The following UXS1 variants were observed in gnomAD, a reference collection of about 807,000 sequenced individuals.
The protein encoded by UXS1 is UDP-glucuronate decarboxylase 1, also known as UDP-glucuronic acid decarboxylase 1.
In UXS1, 33 loss-of-function variants were observed where a neutral mutation model predicts 62.6. The observed-to-expected ratio is 0.53, with a 90% confidence interval of 0.40 to 0.70. The LOEUF is 0.70. Among genes scored for constraint, UXS1 ranks in the 30% least tolerant of loss-of-function variants. The pLI, the probability that UXS1 is intolerant of heterozygous loss-of-function variation, is 0.00. For synonymous variants in UXS1, 213 were observed against 206.8 expected (o/e 1.03, Z -0.26); for missense variants, 434 against 556.3 (o/e 0.78, Z 2.21).
rs1258707538 is a variant in UXS1, at chr2:106,094,085, G to C, written c.1219C>G (p.Gln407Glu). The C allele has an allele frequency of 6.2e-7, 1 of 1,613,580 alleles. No individual in the cohort carries two copies. Among genetic ancestry groups the C allele is most frequent in the Admixed American group, 1.7e-5 (1 of 59,922 alleles). The change falls in exon 15 of 15, where the codon CAG becomes GAG. Residue 407 changes from glutamine (Q) to glutamate (E), a missense_variant. Transcript: ENST00000283148. ...GCAGGCTTTGGTTTGGGGATGTACT[G>C]ATTATTTGCCTGGTACTCGAGTTCT... ...RKELEYQANN[Q>E]YIPKPKPARI...
chr2:106,110,968 G>A (rs1220850602), intron 10 of UXS1, among the ~76,000 whole-genome samples: 2 of 152,152 alleles, frequency 1.3e-5, no homozygotes, highest in African/African-American at 4.8e-5. Context: ...GACGCTGCTG[G>A]GACAGGCAGG....
rs756295286 is a variant in UXS1 at position 106,164,714 on chromosome 2, C to A, written c.186+22G>T. 3 of 1,525,548 alleles carry A rather than the reference C, an allele frequency of 2.0e-6. No individual in the cohort carries two copies. In the East Asian group the frequency reaches 7.1e-5, roughly 36 times the overall value. The allele number at this position is 1,525,548 out of a possible 1,614,324, so 94.5% of individuals were successfully genotyped here. A position where few individuals can be genotyped will look rare whatever the true frequency, so the allele number is the denominator to read the frequency against. ...GACAAGTATACAGATGAAATAGATA[C>A]AAAAATAGAAAAAAGACTAACCTCT... On this transcript the variant is annotated intron_variant, in intron 3 of 14. Transcript: ENST00000283148.
chr2:106,182,418 C>G (rs1244930799), intron 1 of UXS1, among the ~76,000 whole-genome samples: 26 of 152,194 alleles, frequency 1.7e-4, no homozygotes, highest in Admixed American at 1.7e-3. Flanking sequence ...GGATTTTTCT[C>G]TTCTTTGCAC....
At chr2:106,144,504 T>C (rs148240533) in intron 6 of UXS1, among the ~76,000 whole-genome samples, 1 of 152,330 alleles carries the variant, frequency 6.6e-6, no homozygotes, top group Non-Finnish European at 1.5e-5. Flanking sequence ...ACAGTTAACA[T>C]TCCTATTACA....
intron 4 of UXS1, among the ~76,000 whole-genome samples, chr2:106,160,939 T>C (rs34646608): frequency 0.096 from 14,693 of 152,288 alleles, 1,107 homozygotes; most frequent in East Asian, 0.34. Flanking sequence ...AACTATCTTA[T>C]ACTCCTCACT....
At chr2:106,181,849 C>T (rs192919146) in intron 1 of UXS1, among the ~76,000 whole-genome samples, 3 of 152,154 alleles carry the variant, frequency 2.0e-5, no homozygotes, top group Admixed American at 1.3e-4. Flanking sequence ...TGGGATCCAA[C>T]GTAACATGTA....
chr2:106,186,098 A>G (rs1383331806), intron 1 of UXS1, among the ~76,000 whole-genome samples: 2 of 152,252 alleles, frequency 1.3e-5, no homozygotes, highest in African/African-American at 4.8e-5. Context: ...ACAAAATTAG[A>G]AAATCACTAA....
At chr2:106,185,233 A>G (rs1177168164) in intron 1 of UXS1, among the ~76,000 whole-genome samples, 1 of 152,210 alleles carries the variant, frequency 6.6e-6, no homozygotes, top group African/African-American at 2.4e-5. Flanking sequence ...TCCAAGTCCC[A>G]GATCTCATTT....
chr2:106,159,182 G>A (rs1181799424), intron 4 of UXS1: 2 of 152,176 alleles, frequency 1.3e-5, no homozygotes, highest in Admixed American at 6.5e-5. Context: ...CAGGGCAGTC[G>A]GCAAGAAGAG....
intron 8 of UXS1, among the ~76,000 whole-genome samples, chr2:106,123,971 G>A (rs1388676446): frequency 6.6e-6 from 1 of 152,232 alleles, no homozygotes; most frequent in Non-Finnish European, 1.5e-5. Flanking sequence ...TAAACAGACA[G>A]GTATCCTGCC....
intron 1 of UXS1, among the ~76,000 whole-genome samples, chr2:106,177,290 G>A (rs902941944): frequency 2.0e-5 from 3 of 147,274 alleles, no homozygotes; most frequent in South Asian, 2.1e-4. Flanking sequence ...TTGCCGCCCG[G>A]GTTCAAGCGA....
At chr2:106,123,665 C>T (rs998521812) in intron 8 of UXS1, among the ~76,000 whole-genome samples, 2 of 152,166 alleles carry the variant, frequency 1.3e-5, no homozygotes, top group East Asian at 1.9e-4. Flanking sequence ...ATTCCTGTTT[C>T]TCTAGCGTAT....
chr2:106,129,666 C>T lies in UXS1; in HGVS notation c.577+8G>A. 1 of 1,598,930 alleles carries T rather than the reference C, an allele frequency of 6.3e-7. No individual in the cohort carries two copies. Among genetic ancestry groups the T allele is most frequent in the Non-Finnish European group, 8.6e-7 (1 of 1,169,580 alleles). The stretch of plus-strand genomic sequence containing the variant: ...AACAGCCAAAAAAACAAGAAAATGA[C>T]AACTTACCCAACATGTTTAATGTCC... On this transcript the variant is annotated splice_region_variant and intron_variant, in intron 7 of 14. Coordinates refer to ENST00000283148, the MANE Select transcript of UXS1 (RefSeq NM_001253875.2).
chr2:106,118,849 T>C (rs1679282064), intron 9 of UXS1, among the ~76,000 whole-genome samples: 1 of 152,234 alleles, frequency 6.6e-6, no homozygotes, highest in Non-Finnish European at 1.5e-5. Flanking sequence ...GAGTAAGACA[T>C]ATCCACATAC....
intron 4 of UXS1, 35 bp from the exon 5 acceptor site, chr2:106,158,153 C>A: frequency 6.7e-7 from 1 of 1,486,898 alleles, no homozygotes; most frequent in South Asian, 1.2e-5. Context: ...AGGAAAAAGT[C>A]AAACATCTCA....
intron 9 of UXS1, among the ~76,000 whole-genome samples, chr2:106,121,062 C>A (rs536298863): frequency 6.6e-6 from 1 of 152,094 alleles, no homozygotes; most frequent in African/African-American, 2.4e-5. Context: ...TGCTACCTTC[C>A]GGAACCCCCA....
At chr2:106,172,965 T>C (rs1192159629) in intron 1 of UXS1, among the ~76,000 whole-genome samples, 1 of 152,146 alleles carries the variant, frequency 6.6e-6, no homozygotes, top group Non-Finnish European at 1.5e-5. Flanking sequence ...AAAGTTACCT[T>C]ATAAAAGAGG....
intron 1 of UXS1, among the ~76,000 whole-genome samples, chr2:106,190,947 A>ATTCT (rs748591493): frequency 0.037 from 5,606 of 152,240 alleles, 154 homozygotes; most frequent in Non-Finnish European, 0.059. Context: ...AAAGGGCAGA[A>ATTCT]ACTGAGTTCT....
intron 8 of UXS1, among the ~76,000 whole-genome samples, chr2:106,123,426 GTTT>G (rs1021316528): frequency 1.1e-4 from 16 of 152,148 alleles, no homozygotes; most frequent in African/African-American, 3.6e-4. Context: ...GAGATATGTG[GTTT>G]TGTTTTATAT....
Sources: gnomAD v4.1 joint callset for allele counts (sites outside exome capture counted in the v4.1 genomes callset) on GRCh38, gnomAD v4.1.1 for gene constraint, MANE v1.5 for transcripts, NCBI Gene and HGNC (gene_info 2026-07-23, HGNC 2026-07-21) for gene names.